SKIC3: variants seen among roughly 807,000 people sequenced by gnomAD.
The protein encoded by SKIC3 is SKI3 subunit of superkiller complex.
the SKIC3 span, among the ~76,000 whole-genome samples, chr5:95,480,268 CATT>C: frequency 6.6e-6 from 1 of 151,858 alleles, no homozygotes; most frequent in South Asian, 2.1e-4. Flanking sequence ...TAAAAAATAA[CATT>C]AATAAAGGCA....
chr5:95,464,567 C>G, the SKIC3 span: 4 of 1,487,780 alleles, frequency 2.7e-6, no homozygotes, highest in South Asian at 1.2e-5. Context: ...TTCATTCTTA[C>G]AGCTTTTTCT....
the SKIC3 span, among the ~76,000 whole-genome samples, chr5:95,542,726 T>G: frequency 1.3e-5 from 2 of 152,176 alleles, no homozygotes; most frequent in African/African-American, 4.8e-5. Flanking sequence ...ACAAAGTTAT[T>G]AAATGTGAAA....
chr5:95,543,719 T>C, the SKIC3 span, among the ~76,000 whole-genome samples: 2 of 152,194 alleles, frequency 1.3e-5, no homozygotes, highest in Non-Finnish European at 2.9e-5. Flanking sequence ...AACTCTCATA[T>C]TTTCCTTCAC....
the SKIC3 span, chr5:95,525,280 C>T: frequency 1.0e-6 from 1 of 964,672 alleles, no homozygotes; most frequent in Admixed American, 2.0e-5. Flanking sequence ...AACTTAAAGC[C>T]TACAAAGATC....
the SKIC3 span, among the ~76,000 whole-genome samples, chr5:95,554,159 T>C: frequency 6.6e-6 from 1 of 152,168 alleles, no homozygotes; most frequent in African/African-American, 2.4e-5. Flanking sequence ...GCTCAGCACC[T>C]AAGTGCCATG....
chr5:95,521,726 GAT>G, the SKIC3 span, among the ~76,000 whole-genome samples: 1 of 152,036 alleles, frequency 6.6e-6, no homozygotes, highest in Non-Finnish European at 1.5e-5. Flanking sequence ...AAGGTATTAA[GAT>G]ATTCTGGAGA....
chr5:95,546,008 C>T, the SKIC3 span, among the ~76,000 whole-genome samples: 1 of 152,102 alleles, frequency 6.6e-6, no homozygotes, highest in East Asian at 1.9e-4. Context: ...TTTGGTTTCT[C>T]TAATTTTTTC....
the SKIC3 span, chr5:95,467,754 AT>A: frequency 3.4e-5 from 49 of 1,458,674 alleles, no homozygotes; most frequent in Non-Finnish European, 9.2e-6. Context: ...TAAAAATTCA[AT>A]CATAAAAGTG....
the SKIC3 span, chr5:95,525,703 A>C: frequency 6.3e-7 from 1 of 1,597,032 alleles, no homozygotes; most frequent in Non-Finnish European, 8.6e-7. Flanking sequence ...AACTGCTATA[A>C]ATCTCCTTCA....
the SKIC3 span, among the ~76,000 whole-genome samples, chr5:95,539,606 G>A: frequency 4.6e-5 from 7 of 152,288 alleles, no homozygotes; most frequent in African/African-American, 1.7e-4. Context: ...CACTTTGGGG[G>A]GCTGAAGTGG....
At chr5:95,529,302 C>T in the SKIC3 span, 6 of 619,910 alleles carry the variant, frequency 9.7e-6, no homozygotes, top group East Asian at 5.7e-5. Flanking sequence ...CAGACCTCCA[C>T]CATCTTTATC....
At chr5:95,516,578 T>C in the SKIC3 span, 5 of 1,613,446 alleles carry the variant, frequency 3.1e-6, no homozygotes, top group South Asian at 5.5e-5. Context: ...AGGGCATAAT[T>C]TCCAATACCT....
the SKIC3 span, among the ~76,000 whole-genome samples, chr5:95,528,467 C>T: frequency 6.6e-6 from 1 of 152,116 alleles, no homozygotes; most frequent in African/African-American, 2.4e-5. Flanking sequence ...AACCAAAGCA[C>T]CTGTAACAAA....
At chr5:95,524,434 A>C in the SKIC3 span, 89 of 1,611,478 alleles carry the variant, frequency 5.5e-5, 2 homozygotes, top group South Asian at 9.2e-4. Flanking sequence ...TGCCATTTCA[A>C]CTAGGAATTG....
the SKIC3 span, chr5:95,497,405 C>T: frequency 0.049 from 78,089 of 1,606,686 alleles, 2,604 homozygotes; most frequent in East Asian, 0.13. Context: ...GAATTTGAAA[C>T]GTTACTTTAC....
the SKIC3 span, chr5:95,524,607 G>T: frequency 6.2e-7 from 1 of 1,612,508 alleles, no homozygotes. Context: ...CCACCAAAGG[G>T]TAATAAAAAG....
chr5:95,517,949 T>A, the SKIC3 span, among the ~76,000 whole-genome samples: 1 of 151,776 alleles, frequency 6.6e-6, no homozygotes, highest in African/African-American at 2.4e-5. Flanking sequence ...GTAGGTTCAG[T>A]CCCATTTTTT....
chr5:95,474,857 T>C, the SKIC3 span, among the ~76,000 whole-genome samples: 1 of 152,210 alleles, frequency 6.6e-6, no homozygotes, highest in South Asian at 2.1e-4. Flanking sequence ...AAGAACCACT[T>C]TGTGAGCTCT....
chr5:95,533,584 G>C, the SKIC3 span, among the ~76,000 whole-genome samples: 2 of 152,108 alleles, frequency 1.3e-5, no homozygotes, highest in East Asian at 1.9e-4. Context: ...ATTCAGAAGG[G>C]AAAGAACTCT....
Sources: allele counts gnomAD v4.1 joint callset (sites outside exome capture counted in the v4.1 genomes callset), GRCh38; gene constraint gnomAD v4.1.1; transcripts MANE v1.5; gene names NCBI Gene and HGNC (gene_info 2026-07-23, HGNC 2026-07-21).